Variants in ARHGAP29 observed in about 807,000 individuals in gnomAD.
ARHGAP29 encodes the protein rho GTPase-activating protein 29.
In ARHGAP29, 43 loss-of-function variants were observed where a neutral mutation model predicts 122.6. The observed-to-expected ratio is 0.35, with a 90% CI of 0.27 to 0.45. The LOEUF is 0.45. Ranked by LOEUF, ARHGAP29 falls within the 20% of genes least tolerant of loss-of-function variation. The pLI is 1.00. For synonymous variants in ARHGAP29, 506 were observed against 497.1 expected (o/e 1.02, Z -0.24); for missense variants, 1,303 against 1,477.2 (o/e 0.88, Z 1.93).
chr1:94,232,484 G>A (rs1652980748), intron 1 of ARHGAP29, among the ~76,000 whole-genome samples: 2 of 152,158 alleles, frequency 1.3e-5, no homozygotes, highest in Non-Finnish European at 2.9e-5. Flanking sequence ...ATAAACACGT[G>A]TGATCATCAG....
chr1:94,272,285 A>G (rs1375778651), intron 1 of ARHGAP29, among the ~76,000 whole-genome samples: 3 of 152,206 alleles, frequency 2.0e-5, no homozygotes, highest in East Asian at 3.9e-4. Flanking sequence ...CTATGGGACT[A>G]TAGTTTGTCC....
chr1:94,176,312 T>C lies in ARHGAP29; in HGVS notation c.2905+1300A>G, dbSNP rs1649092068. 1.3e-5 allele frequency among the ~76,000 whole-genome samples: 2 copies of C among 152,168 alleles called. 1 individual carries two copies. The highest frequency in any genetic ancestry group is 4.1e-4 in the South Asian group (2 of 4,822). On this transcript the variant is annotated intron_variant, in intron 22 of 22. Transcript: ENST00000260526. ...TAAATGATCTACTAGGAAAAGTGCT[T>C]AAAATTATCTTGTATGTAATAAACA...
the ARHGAP29 span, among the ~76,000 whole-genome samples, chr1:94,292,919 AC>A: frequency 6.6e-6 from 1 of 152,150 alleles, no homozygotes; most frequent in Non-Finnish European, 1.5e-5. Context: ...GGGGTCTGGG[AC>A]CCACTTGAGG....
In ARHGAP29 at chr1:94,243,583, T is replaced by G. The variant is rs1653686159; in HGVS notation, c.-32-11940A>C. Among the ~76,000 whole-genome samples, 2 of 152,006 alleles carry G rather than the reference T, an allele frequency of 1.3e-5. 1 individual carries two copies. Among genetic ancestry groups the G allele is most frequent in the East Asian group, 3.8e-4 (2 of 5,198 alleles). On this transcript the variant is annotated intron_variant and NMD_transcript_variant, in intron 1 of 25. Coordinates refer to the ARHGAP29 transcript ENST00000552844. The stretch of plus-strand genomic sequence containing the variant: ...AAATACACAGTTTTAGATGCTTTAT[T>G]GTAAAAGAGAAGGGTCTAAAGTCAA...
chr1:94,294,510 A>G, the ARHGAP29 span, among the ~76,000 whole-genome samples: 1 of 151,880 alleles, frequency 6.6e-6, no homozygotes, highest in Non-Finnish European at 1.5e-5. Flanking sequence ...CTTATCTCGC[A>G]CTCCTGGGCT....
intron 3 of ARHGAP29, among the ~76,000 whole-genome samples, chr1:94,214,722 C>T (rs1651850664): frequency 6.6e-6 from 1 of 152,136 alleles, no homozygotes; most frequent in African/African-American, 2.4e-5. Flanking sequence ...ATAATTGTCT[C>T]CCTTGGGTTC....
rs892613949 is a variant in ARHGAP29 at position 94,177,738 on chromosome 1, T to C, written c.2797-18A>G. The stretch of plus-strand genomic sequence containing the variant: ...TGGATATCCTGTTGATGCAAGATAA[T>C]TTTTAAAATGGAAGAAGTAAAACAT... On this transcript the variant is annotated intron_variant, in intron 21 of 22. Transcript: ENST00000260526. 1 of 1,595,262 alleles carries C rather than the reference T, an allele frequency of 6.3e-7. No individual in the cohort carries two copies. Among genetic ancestry groups the C allele is most frequent in the African/African-American group, 1.4e-5 (1 of 73,922 alleles).
In ARHGAP29 at chr1:94,174,315, T is replaced by G. The variant is rs1264025996; in HGVS notation, c.3340A>C (p.Ser1114Arg). 2 of 1,614,100 alleles carry G rather than the reference T, an allele frequency of 1.2e-6. No individual in the cohort carries two copies. The highest frequency in any genetic ancestry group is 4.5e-5 in the East Asian group (2 of 44,898). The stretch of plus-strand genomic sequence containing the variant: ...GTGGCATTGATAGAATGGTCCCCAC[T>G]AATCTGGAGGCTTGTTGTCACTCCT... The part of the protein sequence containing the change: ...EKGVTTSLQI[S>R]GDHSINATQP... The change falls in exon 23 of 23, where the codon AGT (serine) becomes CGT (arginine). Residue 1114 changes from serine (S) to arginine (R), a missense_variant. This residue lies in a region of ARHGAP29 where 620 missense variants were observed against 651.2 expected (regional missense o/e 0.95). Coordinates refer to ENST00000260526, the MANE Select transcript of ARHGAP29 (RefSeq NM_004815.4).
chr1:94,295,452 A>T, the ARHGAP29 span, among the ~76,000 whole-genome samples: 1 of 152,206 alleles, frequency 6.6e-6, no homozygotes, highest in African/African-American at 2.4e-5. Flanking sequence ...CACATTGATA[A>T]GAAGATTGTA....
At chr1:94,295,797 A>ACAATGTGGAATCTTCTAATTCCACC in the ARHGAP29 span, among the ~76,000 whole-genome samples, 1 of 152,004 alleles carries the variant, frequency 6.6e-6, no homozygotes, top group Non-Finnish European at 1.5e-5. Context: ...CTAATTCCAC[A>ACAATGTGGAATCTTCTAATTCCACC]TTGGGGTATT....
chr1:94,301,304 T>G, the ARHGAP29 span, among the ~76,000 whole-genome samples: 1 of 152,164 alleles, frequency 6.6e-6, no homozygotes, highest in East Asian at 1.9e-4. Context: ...CAATTCCAAT[T>G]AGCTTAAAAG....
chr1:94,174,797 G>A (rs1404236889), intron 22 of ARHGAP29, 48 bp from the exon 23 acceptor site: 3 of 1,572,466 alleles, frequency 1.9e-6, no homozygotes, highest in Non-Finnish European at 2.6e-6. Context: ...TGGTTAATAA[G>A]AGAGTTTGAA....
rs373464404 is a variant in ARHGAP29 at position 94,201,744 on chromosome 1, G to A, written c.1257C>T (p.Phe419=). ...EILAQLRTLV[F]QCDLTLKAVT... is the part of the protein sequence containing the mutation. Reference sequence around the variant, plus strand: ...CAGCTTTAAGGGTAAGATCACACTGGAAAACAAGTGTCCGGAGTTGTGCTA... The same window carrying A: ...CAGCTTTAAGGGTAAGATCACACTGAAAAACAAGTGTCCGGAGTTGTGCTA... Residue 419 remains phenylalanine, a synonymous_variant, in exon 12 of 23, where the codon TTC becomes TTT. Transcript: ENST00000260526. 5.6e-6 allele frequency: 9 copies of A among 1,613,548 alleles called. No individual in the cohort carries two copies. The East Asian group carries it at 1.8e-4, about 32-fold the overall frequency.
At position 94,177,642 on chromosome 1, in the gene ARHGAP29, C is replaced by T. The variant is rs1229590925; in HGVS notation, c.2875G>A (p.Ala959Thr). The T allele has an allele frequency of 6.2e-7, 1 of 1,612,876 alleles. No individual in the cohort carries two copies. Among genetic ancestry groups the T allele is most frequent in the South Asian group, 1.1e-5 (1 of 90,750 alleles). The stretch of plus-strand genomic sequence containing the variant: ...AGACATGCATCACATTTTCCTAACG[C>T]ATTTTGCTTGCGTTCTGATTCCTCA... ...SFEESERKQN[A>T]LGKCDACLSD... The change falls in exon 22 of 23, where the codon GCG becomes ACG. Residue 959 changes from alanine (A) to threonine (T), a missense_variant. By Grantham distance (58) the Ala-to-Thr change is moderately conservative (BLOSUM62 0). Transcript: ENST00000260526.
upstream of ARHGAP29, among the ~76,000 whole-genome samples, chr1:94,275,226 C>T (rs1006192074): frequency 3.3e-5 from 5 of 152,262 alleles, no homozygotes; most frequent in South Asian, 2.1e-4. Context: ...AACTGCTGGC[C>T]GGGAGGATTT....
At chr1:94,177,422 T>C (rs749348715) in intron 22 of ARHGAP29, 190 bp downstream of exon 22, 6 of 438,494 alleles carry the variant, frequency 1.4e-5, no homozygotes, top group Non-Finnish European at 2.4e-5. Context: ...AAGACTTTTA[T>C]GAAGAATGAC....
chr1:94,288,894 A>T, the ARHGAP29 span, among the ~76,000 whole-genome samples: 1 of 152,200 alleles, frequency 6.6e-6, no homozygotes, highest in Non-Finnish European at 1.5e-5. Flanking sequence ...TGTTTTGGTT[A>T]CTGTAGCCTT....
the ARHGAP29 span, among the ~76,000 whole-genome samples, chr1:94,314,039 G>T: frequency 2.6e-5 from 4 of 152,254 alleles, no homozygotes; most frequent in South Asian, 8.3e-4. Context: ...ACGAGTTAAT[G>T]GGTGCAGCAA....
intron 11 of ARHGAP29, chr1:94,202,341 T>TA: frequency 1.6e-6 from 1 of 632,856 alleles, no homozygotes; most frequent in South Asian, 2.0e-5. Flanking sequence ...TCTCAAAATG[T>TA]GGATCTTCAC....
Sources: allele counts gnomAD v4.1 joint callset (sites outside exome capture counted in the v4.1 genomes callset), GRCh38; gene constraint gnomAD v4.1.1; regional missense constraint gnomAD v4.1.1; transcripts MANE v1.5; gene names NCBI Gene and HGNC (gene_info 2026-07-23, HGNC 2026-07-21).